Variants in EXT1 observed in about 807,000 individuals in gnomAD.
EXT1 encodes exostosin-1.
A neutral mutation model predicts 82.5 loss-of-function variants in EXT1; 20 were observed. The ratio of observed to expected loss-of-function variants is 0.24; its 90% confidence interval spans 0.17 to 0.35. The LOEUF is 0.35. Among genes scored for constraint, EXT1 ranks in the 10% least tolerant of loss-of-function variants. The probability of loss-of-function intolerance (pLI) is 1.00; values close to 1 mark genes in which losing one functional copy is unlikely to be tolerated. For missense variants in EXT1, 757 were observed against 936.5 expected (o/e 0.81, Z 2.50); for synonymous variants, 348 against 350.8 (o/e 0.99, Z 0.09).
intron 1 of EXT1, among the ~76,000 whole-genome samples, chr8:117,851,100 A>C (rs1812444657): frequency 6.6e-6 from 1 of 152,178 alleles, no homozygotes; most frequent in Admixed American, 6.5e-5. Flanking sequence ...CTTAAGGCAC[A>C]ACACTTGTGC....
At chr8:117,908,404 A>G (rs1409182884) in intron 1 of EXT1, among the ~76,000 whole-genome samples, 1 of 151,996 alleles carries the variant, frequency 6.6e-6, no homozygotes, top group Non-Finnish European at 1.5e-5. Context: ...CTGAGGCAGG[A>G]AGATCACCTG....
Position 118,027,429 on chromosome 8 carries a change from T to C in EXT1, c.962+82656A>G, listed in dbSNP as rs111656094. On this transcript the variant is annotated intron_variant, in intron 1 of 10. Transcript: ENST00000378204. ...AAGGGTGGAAGAAACTGAGGCTCAA[T>C]GAATTTAACAGATCTGGCTCAAGGG... Among the ~76,000 whole-genome samples, 185 of 151,974 alleles carry C rather than the reference T, an allele frequency of 1.2e-3. 1 individual carries two copies. The highest frequency in any genetic ancestry group is 4.4e-3 in the African/African-American group (184 of 41,444).
At chr8:117,940,108 G>A (rs1401074313) in intron 1 of EXT1, among the ~76,000 whole-genome samples, 4 of 152,186 alleles carry the variant, frequency 2.6e-5, no homozygotes, top group African/African-American at 9.7e-5. Context: ...AATAGCACAG[G>A]CCAAGATTTA....
chr8:118,059,255 C>T (rs1220210783), intron 1 of EXT1, among the ~76,000 whole-genome samples: 1 of 152,116 alleles, frequency 6.6e-6, no homozygotes, highest in Admixed American at 6.5e-5. Context: ...TTGTAGAGTA[C>T]ACTGAATCAT....
intron 7 of EXT1, among the ~76,000 whole-genome samples, chr8:117,815,376 G>C (rs901850912): frequency 2.0e-5 from 3 of 152,124 alleles, no homozygotes; most frequent in African/African-American, 7.2e-5. Flanking sequence ...CCCAACCACA[G>C]GTCTTAAAAG....
At position 117,799,694 on chromosome 8, in the gene EXT1, C is replaced by T; in HGVS notation, c.*18G>A. 1.2e-6 allele frequency: 2 copies of T among 1,613,920 alleles called. No homozygotes were observed. The highest frequency in any genetic ancestry group is 8.5e-7 in the Non-Finnish European group (1 of 1,179,948). On this transcript the variant is annotated 3_prime_UTR_variant, in exon 11 of 11. Transcript: ENST00000378204. ...CCCCATCCCTTCTTGCTTCCCCTCCCCCACTCAGCCGGATTCCTCAAAGTC... is the reference window on the plus strand; with the variant it reads ...CCCCATCCCTTCTTGCTTCCCCTCCTCCACTCAGCCGGATTCCTCAAAGTC...
At chr8:118,054,543 C>T (rs933341027) in intron 1 of EXT1, among the ~76,000 whole-genome samples, 3 of 152,146 alleles carry the variant, frequency 2.0e-5, no homozygotes, top group Admixed American at 2.0e-4. Flanking sequence ...TTTGGCCAAG[C>T]ATTTGATACA....
chr8:117,985,986 G>C (rs993758815), intron 1 of EXT1, among the ~76,000 whole-genome samples: 1 of 152,072 alleles, frequency 6.6e-6, no homozygotes, highest in Non-Finnish European at 1.5e-5. Context: ...TTTTGGACTG[G>C]AGATTTCTTG....
At chr8:118,068,970 C>T (rs1022415046) in intron 1 of EXT1, among the ~76,000 whole-genome samples, 2 of 152,150 alleles carry the variant, frequency 1.3e-5, no homozygotes, top group Non-Finnish European at 2.9e-5. Context: ...TCTAGTATCA[C>T]GTGAACAAGC....
At chr8:117,959,384 CT>C (rs1489125962) in intron 1 of EXT1, among the ~76,000 whole-genome samples, 1 of 152,214 alleles carries the variant, frequency 6.6e-6, no homozygotes, top group African/African-American at 2.4e-5. Context: ...ACAAACAACT[CT>C]GTTTCATTCT....
intron 1 of EXT1, among the ~76,000 whole-genome samples, chr8:118,064,470 T>C (rs918392813): frequency 6.6e-6 from 1 of 152,204 alleles, no homozygotes; most frequent in African/African-American, 2.4e-5. Flanking sequence ...AGAATGATGC[T>C]TTCCAGCTTT....
chr8:117,978,126 C>G, intron 1 of EXT1, among the ~76,000 whole-genome samples: 1 of 152,156 alleles, frequency 6.6e-6, no homozygotes, highest in East Asian at 1.9e-4. Flanking sequence ...TGTCCCTTTG[C>G]TGATGAAAGG....
At chr8:117,954,947 ATCACAAG>A (rs1269825175) in intron 1 of EXT1, among the ~76,000 whole-genome samples, 1 of 152,212 alleles carries the variant, frequency 6.6e-6, no homozygotes, top group Admixed American at 6.5e-5. Flanking sequence ...TCAAATGCCA[ATCACAAG>A]TCTGGGTCTC....
At chr8:117,966,888 C>G (rs1360763328) in intron 1 of EXT1, among the ~76,000 whole-genome samples, 2 of 152,158 alleles carry the variant, frequency 1.3e-5, no homozygotes, top group Admixed American at 1.3e-4. Context: ...TCTCTCAATA[C>G]TTTATTGCAA....
At chr8:118,036,365 T>G (rs1016778660) in intron 1 of EXT1, among the ~76,000 whole-genome samples, 1 of 152,118 alleles carries the variant, frequency 6.6e-6, no homozygotes, top group Non-Finnish European at 1.5e-5. Context: ...ATAGTCTCCA[T>G]ATCTCTCAGT....
chr8:118,089,005 G>A (rs924928879), intron 1 of EXT1, among the ~76,000 whole-genome samples: 17 of 152,086 alleles, frequency 1.1e-4, no homozygotes, highest in African/African-American at 3.9e-4. Flanking sequence ...CAAGGAGAAC[G>A]TGTGTTATTC....
intron 1 of EXT1, among the ~76,000 whole-genome samples, chr8:117,857,967 A>T (rs775180553): frequency 3.3e-5 from 5 of 152,208 alleles, no homozygotes; most frequent in Non-Finnish European, 5.9e-5. Context: ...AAGACTTCAG[A>T]AGAAGTCACT....
chr8:117,894,973 T>C (rs528269812), intron 1 of EXT1, among the ~76,000 whole-genome samples: 109 of 151,360 alleles, frequency 7.2e-4, no homozygotes, highest in African/African-American at 2.5e-3. Context: ...TGAATATAAA[T>C]AGGCTGATTA....
At chr8:117,839,908 CCTGACA>C (rs1587005595) in intron 1 of EXT1, among the ~76,000 whole-genome samples, 1 of 152,092 alleles carries the variant, frequency 6.6e-6, no homozygotes, top group African/African-American at 2.4e-5. Context: ...CAAAGAAGCA[CCTGACA>C]ATGAGAAAAT....
Sources: allele counts gnomAD v4.1 joint callset (sites outside exome capture counted in the v4.1 genomes callset), GRCh38; gene constraint gnomAD v4.1.1; transcripts MANE v1.5; gene names NCBI Gene and HGNC (gene_info 2026-07-23, HGNC 2026-07-21).